The following UBXN4 variants were observed in gnomAD, a reference collection of about 807,000 sequenced individuals.
UBXN4 encodes the protein UBX domain-containing protein 4.
A neutral mutation model predicts 66.2 loss-of-function variants in UBXN4; 35 were observed. The observed-to-expected ratio is 0.53, with a 90% CI of 0.40 to 0.70. UBXN4 has a LOEUF of 0.70. UBXN4 is among the 30% of genes least tolerant of loss of function. The probability of loss-of-function intolerance (pLI) is 0.00; values close to 1 mark genes in which losing one functional copy is unlikely to be tolerated. For missense variants in UBXN4, 533 were observed against 599.8 expected (o/e 0.89, Z 1.16); for synonymous variants, 203 against 204.5 (o/e 0.99, Z 0.06).
At chr2:135,750,407 G>A (rs1373222186) in intron 2 of UBXN4, among the ~76,000 whole-genome samples, 1 of 152,160 alleles carries the variant, frequency 6.6e-6, no homozygotes, top group East Asian at 1.9e-4. Context: ...TCGGGAGGCT[G>A]AGGCAGGAGA....
chr2:135,751,078 C>T (rs1183871956), intron 2 of UBXN4, among the ~76,000 whole-genome samples: 2 of 144,858 alleles, frequency 1.4e-5, no homozygotes, highest in Non-Finnish European at 3.0e-5. Flanking sequence ...TGGTCTCGAT[C>T]TCCTGACCTC....
In UBXN4 at chr2:135,779,569, A is replaced by G. The variant is rs922875700; in HGVS notation, c.1185+490A>G. 3.0e-4 allele frequency among the ~76,000 whole-genome samples: 45 copies of G among 152,098 alleles called. 1 individual carries two copies. Among genetic ancestry groups the G allele is most frequent in the African/African-American group, 1.1e-3 (44 of 41,438 alleles). On this transcript the variant is annotated intron_variant, in intron 11 of 12. Transcript: ENST00000272638. ...CTGGGTCTTCTGTGTCCTGGTTAAC[A>G]TAGTTTTCCTTGCTCTATACTAGAC...
At chr2:135,762,978 G>C (rs1002429198) in intron 6 of UBXN4, among the ~76,000 whole-genome samples, 1 of 152,134 alleles carries the variant, frequency 6.6e-6, no homozygotes, top group African/African-American at 2.4e-5. Context: ...GGGGTCAGGC[G>C]CTATTTAGTT....
At chr2:135,764,430 T>TA (rs990046318) in intron 6 of UBXN4, among the ~76,000 whole-genome samples, 23 of 151,038 alleles carry the variant, frequency 1.5e-4, no homozygotes, top group Non-Finnish European at 2.7e-4. Flanking sequence ...TAAACATAAT[T>TA]AAAAAAAAAC....
intron 9 of UBXN4, among the ~76,000 whole-genome samples, chr2:135,774,941 G>C (rs1424726014): frequency 6.6e-6 from 1 of 151,672 alleles, no homozygotes; most frequent in Non-Finnish European, 1.5e-5. Flanking sequence ...AATATAAAAA[G>C]AACCTGTGAC....
At position 135,776,233 on chromosome 2, in the gene UBXN4, T is replaced by A. The variant is rs10207223; in HGVS notation, c.951-16T>A. ...ATAGAGGTGAAGATTGTGACTTTAA[T>A]TTTCTTTTTTCATAGCACTGTTGCA... On this transcript the variant is annotated splice_polypyrimidine_tract_variant and intron_variant, in intron 9 of 12. Coordinates refer to ENST00000272638, the MANE Select transcript of UBXN4 (RefSeq NM_014607.4). 46 of 1,603,914 alleles carry A rather than the reference T, an allele frequency of 2.9e-5. No homozygotes were observed. The African/African-American group carries it at 5.5e-4, about 19-fold the overall frequency.
At chr2:135,781,512 T>G (rs1411723696) in intron 12 of UBXN4, among the ~76,000 whole-genome samples, 1 of 152,244 alleles carries the variant, frequency 6.6e-6, no homozygotes, top group Non-Finnish European at 1.5e-5. Flanking sequence ...TTCTTTTTTC[T>G]CTGCCCTCAG....
At chr2:135,776,619 G>T (rs1293195639) in intron 10 of UBXN4, among the ~76,000 whole-genome samples, 1 of 151,998 alleles carries the variant, frequency 6.6e-6, no homozygotes. Flanking sequence ...TTTGAGACAG[G>T]ATCTCACTGT....
At chr2:135,753,702 G>C in intron 3 of UBXN4, 135 bp downstream of exon 3, 1 of 768,662 alleles carries the variant, frequency 1.3e-6, no homozygotes, top group Non-Finnish European at 1.9e-6. Context: ...TTATTACTAA[G>C]TGTCCTCATT....
At chr2:135,774,503 C>T (rs987351656) in intron 9 of UBXN4, among the ~76,000 whole-genome samples, 10 of 152,062 alleles carry the variant, frequency 6.6e-5, no homozygotes, top group Non-Finnish European at 1.3e-4. Context: ...ATAGGTAAAT[C>T]GCACTTCCAA....
intron 5 of UBXN4, among the ~76,000 whole-genome samples, chr2:135,759,037 C>T (rs967608570): frequency 1.3e-5 from 2 of 152,180 alleles, no homozygotes; most frequent in African/African-American, 2.4e-5. Context: ...GGATTGTAGG[C>T]GTAAGCCACT....
Position 135,761,844 on chromosome 2 carries a change from T to C in UBXN4, c.535T>C (p.Ser179Pro), listed in dbSNP as rs767347257. The change falls in exon 6 of 13, where the codon TCC becomes CCC. Residue 179 changes from serine (S) to proline (P), a missense_variant. Around this residue, in one of 2 missense-constraint regions of UBXN4, gnomAD observed 529 missense variants for 580.1 expected, o/e 0.91. Transcript: ENST00000272638. ...AGGAGAAAGTGCAGGCCATGCCACTTCCTCTCAGGAGCCTAGTGGATGCTC... is the reference window on the plus strand; with the variant it reads ...AGGAGAAAGTGCAGGCCATGCCACTCCCTCTCAGGAGCCTAGTGGATGCTC... ...TGGESAGHAT[S>P]SQEPSGCSDQ... 6.2e-7 allele frequency: 1 copy of C among 1,613,074 alleles called. No individual in the cohort carries two copies. The highest frequency in any genetic ancestry group is 8.5e-7 in the Non-Finnish European group (1 of 1,179,660).
chr2:135,744,795 AAAATAAG>A lies in UBXN4; in HGVS notation c.82+2789_82+2795del, dbSNP rs547180146. Among the ~76,000 whole-genome samples, 10 of 152,330 alleles carry A rather than the reference AAAATAAG, an allele frequency of 6.6e-5. No homozygotes were observed. The East Asian group carries it at 1.9e-3, about 29-fold the overall frequency. ...AACTTTATAGTTGATAATTTGATTA[AAAATAAG>A]AAATGAAAGATACCAGAGTTAGCAA... On this transcript the variant is annotated intron_variant, in intron 1 of 12. Coordinates refer to ENST00000272638, the MANE Select transcript of UBXN4 (RefSeq NM_014607.4).
chr2:135,755,575 TG>T lies in UBXN4; in HGVS notation c.393del (p.Ser132LeufsTer71). The T allele has an allele frequency of 1.2e-6, 2 of 1,608,228 alleles. No homozygotes were observed. The highest frequency in any genetic ancestry group is 1.7e-6 in the Non-Finnish European group (2 of 1,177,048). ...VANGSQSESS[V>X]STPSASFEPN... ...AATGGCAGTCAGTCAGAAAGTTCAG[TG>T]TCTACTCCATCTGCGTCATTTGAAC... On this transcript the variant is annotated frameshift_variant, in exon 5 of 13. Transcript: ENST00000272638. LOFTEE classifies it high-confidence loss of function.
intron 2 of UBXN4, among the ~76,000 whole-genome samples, chr2:135,750,670 AGAATCT>A (rs1364516336): frequency 4.6e-5 from 7 of 151,934 alleles, no homozygotes; most frequent in Non-Finnish European, 7.4e-5. Flanking sequence ...TTTAAAAAAC[AGAATCT>A]GTCAATTTAA....
chr2:135,751,290 C>CA (rs1184224249), intron 2 of UBXN4, among the ~76,000 whole-genome samples: 10 of 151,866 alleles, frequency 6.6e-5, no homozygotes, highest in African/African-American at 2.4e-4. Flanking sequence ...GGGCTCACGG[C>CA]ATTCTCCTGC....
intron 4 of UBXN4, among the ~76,000 whole-genome samples, chr2:135,755,195 C>T (rs761835918): frequency 6.6e-5 from 10 of 151,834 alleles, no homozygotes; most frequent in Non-Finnish European, 1.5e-4. Flanking sequence ...ATTTTAAGGA[C>T]GTTATACTCA....
At chr2:135,744,659 G>A (rs2077196108) in intron 1 of UBXN4, among the ~76,000 whole-genome samples, 1 of 152,022 alleles carries the variant, frequency 6.6e-6, no homozygotes, top group Non-Finnish European at 1.5e-5. Flanking sequence ...GCTGTATGAG[G>A]GTCTGCAACT....
intron 5 of UBXN4, among the ~76,000 whole-genome samples, chr2:135,758,019 C>T (rs944283427): frequency 1.3e-5 from 2 of 151,902 alleles, no homozygotes; most frequent in African/African-American, 4.8e-5. Context: ...ACGTGATCTC[C>T]TGCTTCAGCC....
Sources: gnomAD v4.1 joint callset for allele counts (sites outside exome capture counted in the v4.1 genomes callset) on GRCh38, gnomAD v4.1.1 for gene constraint, gnomAD v4.1.1 regional missense constraint, MANE v1.5 for transcripts, NCBI Gene and HGNC (gene_info 2026-07-23, HGNC 2026-07-21) for gene names.